Variants in NGF observed in about 807,000 individuals in gnomAD.
NGF encodes nerve growth factor.
In NGF, 4 loss-of-function variants were observed where a neutral mutation model predicts 12.8. The observed-to-expected ratio is 0.31, with a 90% CI of 0.15 to 0.72. The LOEUF (loss-of-function observed/expected upper bound fraction) is 0.72, where lower values mean the gene tolerates loss of function less well. Among genes scored for constraint, NGF ranks in the 30% least tolerant of loss-of-function variants. NGF has a pLI of 0.69. For synonymous variants in NGF, 140 were observed against 130.0 expected (o/e 1.08, Z -0.52); for missense variants, 283 against 330.8 (o/e 0.86, Z 1.12).
intron 1 of NGF, among the ~76,000 whole-genome samples, chr1:115,316,778 T>C (rs965050264): frequency 6.6e-6 from 1 of 152,218 alleles, no homozygotes. Context: ...AATTTTAAGA[T>C]AAAATTTTGT....
intron 1 of NGF, among the ~76,000 whole-genome samples, chr1:115,333,718 CTTT>C (rs1655015608): frequency 8.9e-6 from 1 of 112,108 alleles, no homozygotes; most frequent in African/African-American, 4.0e-5. Flanking sequence ...TCTTTCTTTT[CTTT>C]CTTTCCTTCT....
At chr1:115,303,424 A>G (rs1040853018) in intron 1 of NGF, among the ~76,000 whole-genome samples, 4 of 151,300 alleles carry the variant, frequency 2.6e-5, no homozygotes, top group Non-Finnish European at 5.9e-5. Context: ...CATTACCATC[A>G]CTACCATCAC....
chr1:115,305,990 C>T (rs1341019026), intron 1 of NGF, among the ~76,000 whole-genome samples: 3 of 152,150 alleles, frequency 2.0e-5, no homozygotes, highest in African/African-American at 2.4e-5. Flanking sequence ...TATTTCCATT[C>T]ATGGACATGC....
In NGF at chr1:115,314,727, T is replaced by G. The variant is rs367805537; in HGVS notation, c.-136-20977A>C. On this transcript the variant is annotated intron_variant, in intron 1 of 2. Transcript: ENST00000369512. ...GCAACTAGATATTGAGCAACTATTA[T>G]GCACCAAAGCACTATTCTAGATACT... Among the ~76,000 whole-genome samples the G allele has an allele frequency of 6.4e-4, 98 of 152,292 alleles. 1 individual carries two copies. Among genetic ancestry groups the G allele is most frequent in the African/African-American group, 2.3e-3 (96 of 41,568 alleles).
chr1:115,334,747 AT>A (rs1655063750), intron 1 of NGF, among the ~76,000 whole-genome samples: 1 of 152,314 alleles, frequency 6.6e-6, no homozygotes, highest in Non-Finnish European at 1.5e-5. Flanking sequence ...GACTTCTGAC[AT>A]TTAGGAGGTG....
chr1:115,305,446 A>T (rs963488470), intron 1 of NGF, among the ~76,000 whole-genome samples: 1 of 152,184 alleles, frequency 6.6e-6, no homozygotes, highest in Admixed American at 6.5e-5. Flanking sequence ...AATTCAAGGG[A>T]GCAACAGTTC....
At chr1:115,312,825 A>G (rs1436238427) in intron 1 of NGF, among the ~76,000 whole-genome samples, 2 of 152,184 alleles carry the variant, frequency 1.3e-5, no homozygotes, top group East Asian at 1.9e-4. Flanking sequence ...AGAAGATTCC[A>G]TGGTCAAACA....
chr1:115,315,646 GACATAC>G (rs1654457456), intron 1 of NGF, among the ~76,000 whole-genome samples: 1 of 152,118 alleles, frequency 6.6e-6, no homozygotes, highest in South Asian at 2.1e-4. Flanking sequence ...CCTTATATTG[GACATAC>G]ACATGGAAAA....
At chr1:115,302,134 G>A (rs1654055225) in intron 1 of NGF, among the ~76,000 whole-genome samples, 1 of 152,166 alleles carries the variant, frequency 6.6e-6, no homozygotes, top group South Asian at 2.1e-4. Flanking sequence ...TTCAACCCAA[G>A]TAAATCATTA....
intron 2 of NGF, among the ~76,000 whole-genome samples, chr1:115,288,301 TC>T (rs2101021124): frequency 6.6e-6 from 1 of 152,310 alleles, no homozygotes; most frequent in African/African-American, 2.4e-5. Flanking sequence ...GTGTTTGGAT[TC>T]CTACTCCACT....
chr1:115,315,045 G>A (rs543050518), intron 1 of NGF, among the ~76,000 whole-genome samples: 1 of 152,326 alleles, frequency 6.6e-6, no homozygotes, highest in African/African-American at 2.4e-5. Context: ...CCAGTGTGAG[G>A]TCCTGAGGCA....
rs372694067 is a variant in NGF, at chr1:115,286,487, C to A, written c.309G>T (p.Leu103=). 1.9e-6 allele frequency: 3 copies of A among 1,614,008 alleles called. No individual in the cohort carries two copies. The African/African-American group carries it at 4.0e-5, about 22-fold the overall frequency. Residue 103 remains leucine, a synonymous_variant, in exon 3 of 3, where the codon CTG becomes CTT. Coordinates refer to ENST00000369512, the MANE Select transcript of NGF (RefSeq NM_002506.3). ...GGGCAGCACCACCGACCTCGAAGTC[C>A]AGATCCTGAGTGTCTGCAGCTTCAC... The part of the protein sequence containing the change: ...PPREAADTQD[L]DFEVGGAAPF...
chr1:115,327,817 T>A (rs745480357), intron 1 of NGF, among the ~76,000 whole-genome samples: 4 of 152,174 alleles, frequency 2.6e-5, no homozygotes, highest in Non-Finnish European at 5.9e-5. Flanking sequence ...TTCACCTGCT[T>A]GGGAGGTGGG....
chr1:115,290,987 G>A (rs1653678934), intron 2 of NGF, among the ~76,000 whole-genome samples: 1 of 152,244 alleles, frequency 6.6e-6, no homozygotes, highest in African/African-American at 2.4e-5. Context: ...ACCCTGCCTT[G>A]CATCTGCTGG....
chr1:115,303,049 T>C (rs928678169), intron 1 of NGF, among the ~76,000 whole-genome samples: 1 of 151,662 alleles, frequency 6.6e-6, no homozygotes, highest in Non-Finnish European at 1.5e-5. Context: ...TTTGGAGGAA[T>C]AAAAAACAAA....
intron 1 of NGF, among the ~76,000 whole-genome samples, chr1:115,317,285 C>T (rs1375918071): frequency 4.6e-5 from 7 of 152,102 alleles, no homozygotes; most frequent in Non-Finnish European, 1.0e-4. Context: ...AGCACATTAG[C>T]AGGCAGGCAC....
chr1:115,319,707 C>T (rs1223643282), intron 1 of NGF, among the ~76,000 whole-genome samples: 33 of 152,332 alleles, frequency 2.2e-4, no homozygotes, highest in Non-Finnish European at 5.9e-5. Flanking sequence ...CAAAAAATTG[C>T]AGCAGTACCA....
chr1:115,308,422 G>A (rs552510671), intron 1 of NGF, among the ~76,000 whole-genome samples: 55 of 152,328 alleles, frequency 3.6e-4, no homozygotes, highest in Non-Finnish European at 7.1e-4. Flanking sequence ...ATGAAGTAGG[G>A]ATGTTAGAAC....
chr1:115,334,330 C>A (rs1302705749), intron 1 of NGF, among the ~76,000 whole-genome samples: 1 of 152,160 alleles, frequency 6.6e-6, no homozygotes, highest in African/African-American at 2.4e-5. Flanking sequence ...GATTTCCTCC[C>A]AGTGCTGCAG....
Sources: allele counts gnomAD v4.1 joint callset (sites outside exome capture counted in the v4.1 genomes callset), GRCh38; gene constraint gnomAD v4.1.1; transcripts MANE v1.5; gene names NCBI Gene and HGNC (gene_info 2026-07-23, HGNC 2026-07-21).